Variants in NCOA6 observed in about 807,000 individuals in gnomAD.
NCOA6 encodes the protein NRC RAP250.
A neutral mutation model predicts 171.4 loss-of-function variants in NCOA6; 49 were observed. That is an observed-to-expected ratio of 0.29 (90% CI 0.23 to 0.36). The LOEUF (loss-of-function observed/expected upper bound fraction) is 0.36. Ranked by LOEUF, NCOA6 falls within the 10% of genes least tolerant of loss-of-function variation. The pLI is 1.00. For missense variants in NCOA6, 2,248 were observed against 2,554.5 expected (o/e 0.88, Z 2.59); for synonymous variants, 910 against 927.5 (o/e 0.98, Z 0.34).
rs772837647 is a variant in NCOA6 at position 34,782,318 on chromosome 20, T to C, written c.38A>G (p.Tyr13Cys). 31 of 1,610,688 alleles carry C rather than the reference T, an allele frequency of 1.9e-5. No individual in the cohort carries two copies. The Admixed American group carries it at 2.2e-4, about 11-fold the overall frequency. ...CATTGTTGATGAACACAAGGAAGTA[T>C]AGATGTCTTCTAAGTTTGGAAGGTC... ...LDDLPNLEDI[Y>C]TSLCSSTMED... Residue 13 changes from tyrosine (Y) to cysteine (C), a missense_variant, in exon 3 of 15, where the codon TAT becomes TGT. By Grantham distance (194) the Tyr-to-Cys change is radical (BLOSUM62 -2). This residue lies in a region of NCOA6 where 987 missense variants were observed against 1,104.7 expected (regional missense o/e 0.89). Transcript: ENST00000359003.
chr20:34,764,868 C>T (rs2076928911), intron 5 of NCOA6, among the ~76,000 whole-genome samples: 1 of 151,936 alleles, frequency 6.6e-6, no homozygotes, highest in Non-Finnish European at 1.5e-5. Context: ...AATCTCAGCA[C>T]TTTGTGAGGC....
intron 3 of NCOA6, among the ~76,000 whole-genome samples, chr20:34,778,696 G>C (rs1305509025): frequency 6.6e-6 from 1 of 152,046 alleles, no homozygotes; most frequent in Non-Finnish European, 1.5e-5. Flanking sequence ...AAAGTGCTGG[G>C]ATTGCAGGCA....
In NCOA6 at chr20:34,741,570, G is replaced by A. The variant is rs776906212; in HGVS notation, c.4686C>T (p.Pro1562=). ...SNELCSSLVH[P]ELSEVSSNVA... ...CGTTAGAACTGACCTCACTCAATTC[G>A]GGATGCACAAGGGATGAACACAGCT... The change falls in exon 11 of 15, where the codon CCC becomes CCT. Residue 1562 remains proline (P), a synonymous_variant. Coordinates refer to ENST00000359003, the MANE Select transcript of NCOA6 (RefSeq NM_014071.5). The A allele has an allele frequency of 1.2e-5, 20 of 1,614,052 alleles. No homozygotes were observed. In the East Asian group the frequency reaches 1.6e-4, roughly 13 times the overall value.
In NCOA6 at chr20:34,776,379, C is replaced by T. The variant is rs759315791; in HGVS notation, c.305G>A (p.Arg102Gln). The T allele has an allele frequency of 6.2e-6, 10 of 1,614,028 alleles. 1 individual carries two copies. The East Asian group carries it at 8.9e-5, about 14-fold the overall frequency. The change falls in exon 4 of 15, where the codon CGG becomes CAG. Residue 102 changes from arginine to glutamine, a missense_variant. Transcript: ENST00000359003. ...NSVRVTFNIP[R>Q]EAAERLRILA... ...GATCCGTAGCCGCTCCGCTGCTTCCCGGGGGATGTTGAATGTCACACGCAC... is the reference window on the plus strand; with the variant it reads ...GATCCGTAGCCGCTCCGCTGCTTCCTGGGGGATGTTGAATGTCACACGCAC...
Position 34,785,443 on chromosome 20 carries a change from A to T in NCOA6, c.-49-3039T>A, listed in dbSNP as rs764987007. Among the ~76,000 whole-genome samples the T allele has an allele frequency of 4.6e-3, 634 of 138,970 alleles. 2 individuals are homozygous for T. The highest frequency in any genetic ancestry group is 0.016 in the African/African-American group (598 of 38,146). 91.2% of individuals were successfully genotyped at this position (138,970 alleles called of 152,430 possible). The stretch of plus-strand genomic sequence containing the variant: ...CCATGTCTCAATTTTTTTAAAAATT[A>T]AAAAAAAAAAAAAAAAGATACAACA... On this transcript the variant is annotated intron_variant, in intron 2 of 14. Coordinates refer to ENST00000359003, the MANE Select transcript of NCOA6 (RefSeq NM_014071.5).
intron 2 of NCOA6, among the ~76,000 whole-genome samples, chr20:34,790,316 T>C (rs1233662812): frequency 7.2e-5 from 11 of 151,980 alleles, no homozygotes; most frequent in Non-Finnish European, 1.3e-4. Flanking sequence ...TAAAAGGTCA[T>C]ATATTGCATA....
intron 2 of NCOA6, among the ~76,000 whole-genome samples, chr20:34,786,146 TTC>T (rs1236111112): frequency 6.6e-6 from 1 of 152,228 alleles, no homozygotes; most frequent in African/African-American, 2.4e-5. Context: ...GTTTATAGTA[TTC>T]TCTGATGGTT....
At chr20:34,794,060 G>A (rs186237203) in intron 1 of NCOA6, among the ~76,000 whole-genome samples, 1 of 152,294 alleles carries the variant, frequency 6.6e-6, no homozygotes, top group Admixed American at 6.5e-5. Flanking sequence ...TGGTGAAACA[G>A]GCACTCTTAT....
At chr20:34,725,451 A>C (rs1245436249) in intron 14 of NCOA6, among the ~76,000 whole-genome samples, 1 of 152,024 alleles carries the variant, frequency 6.6e-6, no homozygotes, top group Non-Finnish European at 1.5e-5. Context: ...CAGTAGCTGC[A>C]ACATATGCAC....
At chr20:34,737,781 T>A in intron 11 of NCOA6, among the ~76,000 whole-genome samples, 1 of 152,264 alleles carries the variant, frequency 6.6e-6, no homozygotes, top group East Asian at 1.9e-4. Flanking sequence ...CCCTCCCTGC[T>A]TAGCAAAGCA....
At chr20:34,756,037 A>G (rs2076630920) in intron 7 of NCOA6, among the ~76,000 whole-genome samples, 2 of 152,102 alleles carry the variant, frequency 1.3e-5, no homozygotes, top group Admixed American at 6.5e-5. Context: ...GCGCCTGGCC[A>G]TTTATTTTTT....
intron 3 of NCOA6, chr20:34,776,811 A>G (rs1224096591): frequency 2.2e-6 from 1 of 461,618 alleles, no homozygotes; most frequent in African/African-American, 2.0e-5. Context: ...AAAGGACCAT[A>G]AGAAAGAAGA....
In NCOA6 at chr20:34,757,551, G is replaced by C; in HGVS notation, c.1197C>G (p.Phe399Leu). Reference sequence around the variant, plus strand: ...GCAAACTCTTCATCTGAGGAGCTGTGAACTGGCCTGGGTTGCTCATCTGAG... The same window carrying C: ...GCAAACTCTTCATCTGAGGAGCTGTCAACTGGCCTGGGTTGCTCATCTGAG... Reference protein sequence around the residue: ...NFPQMSNPGQFTAPQMKSLQG... With the variant: ...NFPQMSNPGQLTAPQMKSLQG... The change falls in exon 7 of 15, where the codon TTC becomes TTG. Residue 399 changes from phenylalanine to leucine, a missense_variant. By Grantham distance (22) the Phe-to-Leu change is conservative (BLOSUM62 0). This residue lies in a region of NCOA6 where 987 missense variants were observed against 1,104.7 expected (regional missense o/e 0.89). Transcript: ENST00000359003. 1.2e-6 allele frequency: 2 copies of C among 1,614,022 alleles called. No individual in the cohort carries two copies. Among genetic ancestry groups the C allele is most frequent in the Non-Finnish European group, 1.7e-6 (2 of 1,179,972 alleles).
intron 1 of NCOA6, among the ~76,000 whole-genome samples, chr20:34,796,495 G>A (rs1362908826): frequency 6.6e-6 from 1 of 151,976 alleles, no homozygotes; most frequent in African/African-American, 2.4e-5. Flanking sequence ...GGTAGTGTGT[G>A]CCTGTAGTCC....
intron 4 of NCOA6, among the ~76,000 whole-genome samples, chr20:34,774,008 C>T (rs1434093959): frequency 1.3e-5 from 2 of 152,186 alleles, no homozygotes; most frequent in African/African-American, 4.8e-5. Flanking sequence ...ATGTGAATTT[C>T]ATAATTTCTT....
Position 34,782,140 on chromosome 20 carries a change from C to A in NCOA6, c.216G>T (p.Val72=). The A allele has an allele frequency of 6.3e-7, 1 of 1,596,306 alleles. No individual in the cohort carries two copies. The highest frequency in any genetic ancestry group is 1.3e-5 in the African/African-American group (1 of 74,428). ...KWKLDAILKN[V]PNLLHMESSK... ...AATTACCCATGTGTAACAAATTGGG[C>A]ACGTTTTTCAATATTGCATCTAATT... is the stretch of plus-strand genomic sequence containing the variant. Residue 72 remains valine (V), a synonymous_variant, in exon 3 of 15, where the codon GTG becomes GTT. Transcript: ENST00000359003.
In NCOA6 at chr20:34,782,683, G is replaced by A. The variant is rs1350194790; in HGVS notation, c.-49-279C>T. 2.6e-5 allele frequency among the ~76,000 whole-genome samples: 4 copies of A among 152,216 alleles called. No individual in the cohort carries two copies. In the East Asian group the frequency reaches 7.7e-4, roughly 29 times the overall value. On this transcript the variant is annotated intron_variant, in intron 2 of 14. Transcript: ENST00000359003. ...TAGAATGTCAGGAGAAGGGAAGAAA[G>A]GATCACAAGAAAATAAAACAAGTAC...
chr20:34,744,125 C>G (rs1220805221), intron 10 of NCOA6, among the ~76,000 whole-genome samples: 1 of 152,206 alleles, frequency 6.6e-6, no homozygotes, highest in Non-Finnish European at 1.5e-5. Flanking sequence ...CACTTACTTT[C>G]TTACATGCAA....
At chr20:34,767,834 C>T (rs548951930) in intron 5 of NCOA6, among the ~76,000 whole-genome samples, 6 of 152,152 alleles carry the variant, frequency 3.9e-5, no homozygotes, top group Non-Finnish European at 5.9e-5. Context: ...ACTAGTTTAT[C>T]GCTCCTTGAC....
Sources: gnomAD v4.1 joint callset for allele counts (sites outside exome capture counted in the v4.1 genomes callset) on GRCh38, gnomAD v4.1.1 for gene constraint, gnomAD v4.1.1 regional missense constraint, MANE v1.5 for transcripts, NCBI Gene and HGNC (gene_info 2026-07-23, HGNC 2026-07-21) for gene names.